The following FSTL5 variants were observed in gnomAD, a reference collection of about 807,000 sequenced individuals.
The protein encoded by FSTL5 is follistatin like 5, also known as follistatin-related protein 5.
A neutral mutation model predicts 89.1 loss-of-function variants in FSTL5; 62 were observed. That is an observed-to-expected ratio of 0.70 (90% CI 0.57 to 0.86). The LOEUF is 0.86. Among genes scored for constraint, FSTL5 ranks in the 40% least tolerant of loss-of-function variants. The pLI is 0.00. For synonymous variants in FSTL5, 383 were observed against 346.2 expected, an observed-to-expected ratio of 1.11 and a Z score of -1.18; for missense variants, 1,057 against 1,001.6, an observed-to-expected ratio of 1.06 and a Z score of -0.75.
intron 6 of FSTL5, among the ~76,000 whole-genome samples, chr4:161,722,250 C>A (rs2126752607): frequency 6.6e-6 from 1 of 152,210 alleles, no homozygotes; most frequent in Non-Finnish European, 1.5e-5. Flanking sequence ...TAGCAAAATT[C>A]TTTCTACTCT....
In FSTL5 at chr4:161,973,382, A is replaced by G. The variant is rs1418785157; in HGVS notation, c.161-52730T>C. ...AGAAACTAGAAGTAATACATATTTC[A>G]GTTGCAGAAAGCACAACATTAAGGG... On this transcript the variant is annotated intron_variant, in intron 3 of 15. Transcript: ENST00000306100. Among the ~76,000 whole-genome samples the G allele has an allele frequency of 2.0e-5, 3 of 152,324 alleles. No individual in the cohort carries two copies. The East Asian group carries it at 5.8e-4, about 29-fold the overall frequency.
chr4:161,554,360 A>C (rs1292215174), intron 8 of FSTL5, among the ~76,000 whole-genome samples: 1 of 151,612 alleles, frequency 6.6e-6, no homozygotes, highest in Non-Finnish European at 1.5e-5. Flanking sequence ...TAATGTAATG[A>C]TGCTTCTAAT....
intron 2 of FSTL5, among the ~76,000 whole-genome samples, chr4:162,034,057 C>T (rs1325227021): frequency 6.6e-6 from 1 of 152,018 alleles, no homozygotes; most frequent in East Asian, 1.9e-4. Flanking sequence ...CTGCCTCAGC[C>T]TCTCAAAATG....
chr4:161,623,135 C>A (rs1735202237), intron 7 of FSTL5, among the ~76,000 whole-genome samples: 1 of 152,050 alleles, frequency 6.6e-6, no homozygotes, highest in African/African-American at 2.4e-5. Context: ...TATCTGCCAA[C>A]AGGTATATTC....
intron 2 of FSTL5, chr4:162,041,987 C>T (rs1560987238): frequency 6.6e-6 from 1 of 151,836 alleles, no homozygotes; most frequent in Non-Finnish European, 1.5e-5. Flanking sequence ...CCCATCTCAA[C>T]TAAAAATACA....
intron 3 of FSTL5, among the ~76,000 whole-genome samples, chr4:161,984,961 T>G (rs1467649788): frequency 6.9e-6 from 1 of 145,556 alleles, no homozygotes; most frequent in African/African-American, 2.5e-5. Flanking sequence ...TCTGAATACT[T>G]TTTTTTTTTT....
chr4:161,910,196 T>C (rs532493948), intron 4 of FSTL5, among the ~76,000 whole-genome samples: 8 of 152,242 alleles, frequency 5.3e-5, no homozygotes, highest in African/African-American at 1.2e-4. Flanking sequence ...CTGGTGGCTA[T>C]GCATTTGTCT....
intron 2 of FSTL5, among the ~76,000 whole-genome samples, chr4:162,064,524 A>G (rs1578998012): frequency 1.3e-5 from 2 of 152,158 alleles, no homozygotes; most frequent in East Asian, 1.9e-4. Context: ...TTGCCTTACT[A>G]TTTGAGTGAG....
chr4:161,521,675 C>T (rs181179116), intron 10 of FSTL5, among the ~76,000 whole-genome samples: 2,547 of 151,478 alleles, frequency 0.017, 69 homozygotes, highest in African/African-American at 0.058. Flanking sequence ...GGTGAAACCC[C>T]GTCTCTACTA....
intron 6 of FSTL5, among the ~76,000 whole-genome samples, chr4:161,699,210 G>A (rs1396382511): frequency 6.6e-6 from 1 of 151,878 alleles, no homozygotes; most frequent in African/African-American, 2.4e-5. Context: ...TGAAATTTAC[G>A]GTCATAAAAA....
intron 3 of FSTL5, among the ~76,000 whole-genome samples, chr4:162,024,468 T>C (rs1737206502): frequency 6.6e-6 from 1 of 152,222 alleles, no homozygotes; most frequent in Admixed American, 6.5e-5. Context: ...CATTATCTGA[T>C]GCAGCTGAGC....
intron 3 of FSTL5, among the ~76,000 whole-genome samples, chr4:161,973,044 T>C (rs1472087917): frequency 6.6e-6 from 1 of 152,228 alleles, no homozygotes; most frequent in Non-Finnish European, 1.5e-5. Flanking sequence ...CTAGAAAACT[T>C]ACATGCATGG....
At chr4:161,952,431 A>C (rs1481329363) in intron 3 of FSTL5, among the ~76,000 whole-genome samples, 1 of 151,990 alleles carries the variant, frequency 6.6e-6, no homozygotes, top group Non-Finnish European at 1.5e-5. Flanking sequence ...AAATAGTTTA[A>C]CTCATCATAT....
intron 1 of FSTL5, among the ~76,000 whole-genome samples, chr4:162,140,992 C>G (rs978382252): frequency 1.3e-5 from 2 of 151,364 alleles, no homozygotes; most frequent in Admixed American, 1.3e-4. Flanking sequence ...GGGGGTAGAT[C>G]TCTTAAGAAT....
intron 3 of FSTL5, among the ~76,000 whole-genome samples, chr4:162,001,793 G>A (rs949239916): frequency 2.0e-5 from 3 of 152,100 alleles, no homozygotes; most frequent in African/African-American, 7.2e-5. Context: ...AAAGTCACAG[G>A]CTTCTCATTC....
intron 15 of FSTL5, among the ~76,000 whole-genome samples, chr4:161,454,403 G>C (rs899020032): frequency 6.6e-6 from 1 of 152,120 alleles, no homozygotes; most frequent in Non-Finnish European, 1.5e-5. Flanking sequence ...TTTATAACTA[G>C]AAGTTAATAT....
intron 1 of FSTL5, among the ~76,000 whole-genome samples, chr4:162,163,327 A>C (rs1305944904): frequency 1.3e-5 from 2 of 151,602 alleles, no homozygotes; most frequent in African/African-American, 4.8e-5. Flanking sequence ...TTGCTCTAAA[A>C]TATTTATATT....
chr4:162,133,063 C>CA (rs1296401296), intron 1 of FSTL5, among the ~76,000 whole-genome samples: 1 of 152,214 alleles, frequency 6.6e-6, no homozygotes, highest in Non-Finnish European at 1.5e-5. Flanking sequence ...CTACCTCACT[C>CA]AGCCTCCTGA....
chr4:161,519,524 TCAAAA>T (rs112732857), intron 10 of FSTL5, among the ~76,000 whole-genome samples: 3 of 151,608 alleles, frequency 2.0e-5, no homozygotes, highest in Non-Finnish European at 4.4e-5. Flanking sequence ...AGACTCTATC[TCAAAA>T]CAAAACAAAA....
Sources: gnomAD v4.1 joint callset for allele counts (sites outside exome capture counted in the v4.1 genomes callset) on GRCh38, gnomAD v4.1.1 for gene constraint, MANE v1.5 for transcripts, NCBI Gene and HGNC (gene_info 2026-07-23, HGNC 2026-07-21) for gene names.